Variants in FMO2 observed in about 807,000 individuals in gnomAD.
FMO2 encodes the protein flavin containing dimethylaniline monoxygenase 2.
FMO2 carries 33 observed loss-of-function variants against 41.6 expected under a neutral mutation model. The observed-to-expected ratio is 0.79, with a 90% confidence interval of 0.60 to 1.06. FMO2 has a LOEUF of 1.06. FMO2 is among the 50% of genes least tolerant of loss of function. The pLI, the probability that FMO2 is intolerant of heterozygous loss-of-function variation, is 0.00. For synonymous variants in FMO2, 214 were observed against 219.6 expected, an observed-to-expected ratio of 0.97 and a Z score of 0.23; for missense variants, 619 against 632.9, an observed-to-expected ratio of 0.98 and a Z score of 0.23.
chr1:171,195,491 C>T (rs1261066410), intron 3 of FMO2, among the ~76,000 whole-genome samples: 1 of 152,170 alleles, frequency 6.6e-6, no homozygotes, highest in Non-Finnish European at 1.5e-5. Flanking sequence ...CTACTTTGAA[C>T]TACCATCTGA....
Position 171,205,377 on chromosome 1 carries a change from C to T in FMO2, c.926C>T (p.Thr309Ile), listed in dbSNP as rs954050524. The change falls in exon 7 of 9, where the codon ACT becomes ATT. Residue 309 changes from threonine (T) to isoleucine (I), a missense_variant. Transcript: ENST00000209929. ...TCTACAGTGAAAGAGCTCACAGAAA[C>T]TTCTGCCATCTTTGAGGATGGAACA... Reference protein sequence around the residue: ...VKSTVKELTETSAIFEDGTVE... With the variant: ...VKSTVKELTEISAIFEDGTVE... 1 of 1,613,822 alleles carries T rather than the reference C, an allele frequency of 6.2e-7. No individual in the cohort carries two copies. Among genetic ancestry groups the T allele is most frequent in the Non-Finnish European group, 8.5e-7 (1 of 1,179,798 alleles).
chr1:171,191,019 C>T (rs1393947980), intron 2 of FMO2, among the ~76,000 whole-genome samples: 1 of 152,054 alleles, frequency 6.6e-6, no homozygotes, highest in African/African-American at 2.4e-5. Flanking sequence ...GTGGCGCATA[C>T]CTGTAATCCC....
intron 7 of FMO2, chr1:171,207,468 C>G (rs944254464): frequency 5.3e-6 from 2 of 378,174 alleles, no homozygotes; most frequent in Non-Finnish European, 9.4e-6. Flanking sequence ...GCCAGGCTCC[C>G]AGACACACTT....
rs1233860250 is a variant in FMO2 at position 171,212,359 on chromosome 1, A to G, written c.*3214A>G. Among the ~76,000 whole-genome samples, 1 of 152,102 alleles carries G rather than the reference A, an allele frequency of 6.6e-6. No homozygotes were observed. The highest frequency in any genetic ancestry group is 2.4e-5 in the African/African-American group (1 of 41,410). On this transcript the variant is annotated 3_prime_UTR_variant, in exon 9 of 9. Coordinates refer to ENST00000209929, the MANE Select transcript of FMO2 (RefSeq NM_001460.5). ...TCAGATGCTGGCCCCTTGGTCTTGAATTTCCTAGCCTCTACAACTAAGCCA... is the reference window on the plus strand; with the variant it reads ...TCAGATGCTGGCCCCTTGGTCTTGAGTTTCCTAGCCTCTACAACTAAGCCA...
At chr1:171,185,600 T>G in intron 1 of FMO2, 108 bp from the exon 2 acceptor site, 1 of 1,087,330 alleles carries the variant, frequency 9.2e-7, no homozygotes, top group Admixed American at 2.0e-5. Context: ...TGCTGCTTAT[T>G]AAATTACCAC....
intron 2 of FMO2, among the ~76,000 whole-genome samples, chr1:171,191,074 C>T (rs556497087): frequency 9.2e-5 from 14 of 151,574 alleles, no homozygotes; most frequent in African/African-American, 2.7e-4. Context: ...GAACCCAAGA[C>T]GGGGAGGTTG....
At position 171,199,417 on chromosome 1, in the gene FMO2, C is replaced by T. The variant is rs529000867; in HGVS notation, c.556C>T (p.Arg186Cys). Residue 186 changes from arginine to cysteine, a missense_variant, in exon 5 of 9, where the codon CGC (arginine) becomes TGC (cysteine). Physicochemically the swap from Arg to Cys is radical, Grantham distance 180. Coordinates refer to ENST00000209929, the MANE Select transcript of FMO2 (RefSeq NM_001460.5). ...GCATCCAGATGGATTTGAGGGAAAA[C>T]GCATCCTGGTGATTGGAATGGGAAA... ...YKHPDGFEGKRILVIGMGNSG... is the reference protein window; with the variant it reads ...YKHPDGFEGKCILVIGMGNSG... 3.5e-5 allele frequency: 56 copies of T among 1,612,346 alleles called. No individual in the cohort carries two copies. The highest frequency in any genetic ancestry group is 9.9e-5 in the South Asian group (9 of 90,764).
intron 2 of FMO2, among the ~76,000 whole-genome samples, chr1:171,193,065 A>G (rs898489843): frequency 1.3e-5 from 2 of 152,162 alleles, no homozygotes; most frequent in African/African-American, 4.8e-5. Flanking sequence ...AATATCTTGC[A>G]ATGTGCCAAA....
Position 171,208,676 on chromosome 1 carries a change from T to C in FMO2, c.1257-118T>C. 5.3e-6 allele frequency: 5 copies of C among 937,596 alleles called. No individual in the cohort carries two copies. The South Asian group carries it at 8.5e-5, about 16-fold the overall frequency. 58.1% of individuals were successfully genotyped at this position (937,596 alleles called of 1,614,324 possible). ...ACTCAAACTTTCCACCAGAGATTCATTGAAAACTCATTCACATATTCACTC... is the reference window on the plus strand; with the variant it reads ...ACTCAAACTTTCCACCAGAGATTCACTGAAAACTCATTCACATATTCACTC... On this transcript the variant is annotated intron_variant, in intron 8 of 8. Coordinates refer to ENST00000209929, the MANE Select transcript of FMO2 (RefSeq NM_001460.5).
In FMO2 at chr1:171,212,561, A is replaced by G. The variant is rs1181890951; in HGVS notation, c.*3416A>G. Among the ~76,000 whole-genome samples, 1 of 152,228 alleles carries G rather than the reference A, an allele frequency of 6.6e-6. No individual in the cohort carries two copies. Among genetic ancestry groups the G allele is most frequent in the African/African-American group, 2.4e-5 (1 of 41,460 alleles). On this transcript the variant is annotated 3_prime_UTR_variant, in exon 9 of 9. Transcript: ENST00000209929. ...CTTAATTTTTTCTATCAAAAGCTAA[A>G]TATGGCACACTTGTTCTTTACAGAA...
At chr1:171,185,882 T>C (rs1399332252) in intron 2 of FMO2, 37 bp downstream of exon 2, 1 of 1,603,948 alleles carries the variant, frequency 6.2e-7, no homozygotes, top group African/African-American at 1.3e-5. Context: ...ACAGGTTGTG[T>C]TGTTATTTCA....
intron 2 of FMO2, among the ~76,000 whole-genome samples, chr1:171,187,627 CAAAAA>C (rs765479366): frequency 0.079 from 6,517 of 82,446 alleles, 186 homozygotes; most frequent in South Asian, 0.16. Context: ...AACCTGCCAC[CAAAAA>C]AAAAAAAAAA....
At position 171,193,545 on chromosome 1, in the gene FMO2, G is replaced by T. The variant is rs763739776; in HGVS notation, c.321+22G>T. On this transcript the variant is annotated intron_variant, in intron 3 of 8. Transcript: ENST00000209929. ...CCAGGTATTGTATTTTTGGGGAAATGGGTTTCTCTGCATTAGTTCAGCTCA... is the reference window on the plus strand; with the variant it reads ...CCAGGTATTGTATTTTTGGGGAAATTGGTTTCTCTGCATTAGTTCAGCTCA... 1.2e-5 allele frequency: 17 copies of T among 1,476,394 alleles called. No homozygotes were observed. The East Asian group carries it at 3.4e-4, about 30-fold the overall frequency. The allele number at this position is 1,476,394 out of a possible 1,614,324, so 91.5% of individuals were successfully genotyped here.
intron 7 of FMO2, among the ~76,000 whole-genome samples, chr1:171,206,311 A>G (rs889651067): frequency 6.6e-6 from 1 of 152,180 alleles, no homozygotes; most frequent in Admixed American, 6.5e-5. Context: ...AGAATAAGGG[A>G]AGGGCACATG....
In FMO2 at chr1:171,199,487, A is replaced by G. The variant is rs2101999512; in HGVS notation, c.626A>G (p.Gln209Arg). Residue 209 changes from glutamine (Q) to arginine (R), a missense_variant and splice_region_variant, in exon 5 of 9, where the codon CAG becomes CGG. Gln to Arg is a conservative substitution (Grantham distance 43). Transcript: ENST00000209929. ...IAVELSKNAA[Q>R]VFISTRHGTW... ...GTTGAGCTGAGTAAGAATGCTGCTC[A>G]GGTGTGATGCTCTCTGCTTACCATG... is the stretch of plus-strand genomic sequence containing the variant. 1 of 1,605,840 alleles carries G rather than the reference A, an allele frequency of 6.2e-7. No individual in the cohort carries two copies. The highest frequency in any genetic ancestry group is 1.1e-5 in the South Asian group (1 of 89,206).
intron 3 of FMO2, among the ~76,000 whole-genome samples, chr1:171,193,984 G>A (rs2101988496): frequency 6.6e-6 from 1 of 151,852 alleles, no homozygotes; most frequent in South Asian, 2.1e-4. Context: ...TTCACCATTT[G>A]GGCCAGGCTG....
chr1:171,193,857 G>T (rs1470877968), intron 3 of FMO2, among the ~76,000 whole-genome samples: 4 of 150,610 alleles, frequency 2.7e-5, no homozygotes, highest in Admixed American at 1.3e-4. Flanking sequence ...TCAGCTCACT[G>T]CAACCTCTGC....
intron 2 of FMO2, among the ~76,000 whole-genome samples, chr1:171,191,890 T>C (rs928022215): frequency 4.1e-5 from 6 of 146,792 alleles, no homozygotes; most frequent in African/African-American, 1.5e-4. Context: ...ATACAAAAAA[T>C]TAGCCGGTGT....
chr1:171,197,945 A>G (rs1046607386), intron 4 of FMO2, among the ~76,000 whole-genome samples: 1 of 152,216 alleles, frequency 6.6e-6, no homozygotes, highest in African/African-American at 2.4e-5. Context: ...GCCAGAAGAA[A>G]TAACTTCCTT....
Sources: allele counts gnomAD v4.1 joint callset (sites outside exome capture counted in the v4.1 genomes callset), GRCh38; gene constraint gnomAD v4.1.1; transcripts MANE v1.5; gene names NCBI Gene and HGNC (gene_info 2026-07-23, HGNC 2026-07-21).